The following MKX variants were observed in gnomAD, a reference collection of about 807,000 sequenced individuals.
MKX encodes homeobox protein Mohawk.
MKX carries 13 observed loss-of-function variants against 36.0 expected under a neutral mutation model. The observed-to-expected ratio is 0.36, with a 90% CI of 0.24 to 0.57. The LOEUF (loss-of-function observed/expected upper bound fraction) is 0.57. Ranked by LOEUF, MKX falls within the 20% of genes least tolerant of loss-of-function variation. The pLI, the probability that MKX is intolerant of heterozygous loss-of-function variation, is 0.79. For synonymous variants in MKX, 176 were observed against 178.3 expected (o/e 0.99, Z 0.10); for missense variants, 458 against 456.4 (o/e 1.00, Z -0.03).
chr10:27,737,464 C>T (rs1834805042), intron 3 of MKX, among the ~76,000 whole-genome samples: 2 of 152,056 alleles, frequency 1.3e-5, no homozygotes, highest in African/African-American at 4.8e-5. Context: ...CAAAAACATG[C>T]TGTGTGAATT....
chr10:27,673,204 TAAAAA>T lies in MKX; in HGVS notation c.*2020_*2024del, dbSNP rs889968973. ...TATAAAATCTTCCAACCTTTGGTATTAAAAAAAATCATGTGAATAGTTGTCCTATA... is the reference window on the plus strand; with the variant it reads ...TATAAAATCTTCCAACCTTTGGTATTAAATCATGTGAATAGTTGTCCTATA... On this transcript the variant is annotated 3_prime_UTR_variant, in exon 7 of 7. Coordinates refer to ENST00000419761, the MANE Select transcript of MKX (RefSeq NM_173576.3). 5.9e-5 allele frequency: 9 copies of T among 152,036 alleles called. No homozygotes were observed. Among genetic ancestry groups the T allele is most frequent in the Admixed American group, 2.0e-4 (3 of 15,258 alleles). 9.4% of individuals were successfully genotyped at this position (152,036 alleles called of 1,614,324 possible). A position where few individuals can be genotyped will look rare whatever the true frequency, so the allele number is the denominator to read the frequency against.
intron 5 of MKX, among the ~76,000 whole-genome samples, chr10:27,698,326 T>C (rs1411524172): frequency 6.6e-6 from 1 of 152,060 alleles, no homozygotes; most frequent in Non-Finnish European, 1.5e-5. Flanking sequence ...CAGATTTGGA[T>C]GTTGGAAAGA....
chr10:27,699,725 C>G (rs1388684604), intron 5 of MKX, among the ~76,000 whole-genome samples: 1 of 152,192 alleles, frequency 6.6e-6, no homozygotes, highest in Non-Finnish European at 1.5e-5. Context: ...TTAACTCCCT[C>G]AGAAAGATGG....
chr10:27,677,091 TG>T (rs999968999), intron 5 of MKX, among the ~76,000 whole-genome samples: 1 of 151,734 alleles, frequency 6.6e-6, no homozygotes, highest in African/African-American at 2.4e-5. Flanking sequence ...AGCAAAGGAG[TG>T]GGGTTGAGAC....
At chr10:27,681,309 C>T (rs911975214) in intron 5 of MKX, among the ~76,000 whole-genome samples, 2 of 151,908 alleles carry the variant, frequency 1.3e-5, no homozygotes, top group African/African-American at 2.4e-5. Flanking sequence ...ATTAGCCAGG[C>T]GTGGTGGTGC....
intron 5 of MKX, among the ~76,000 whole-genome samples, chr10:27,698,147 T>G (rs1328928688): frequency 1.3e-5 from 2 of 152,104 alleles, no homozygotes; most frequent in Admixed American, 1.3e-4. Flanking sequence ...GAGTTTTTGT[T>G]TGAGCTGAAA....
At chr10:27,737,425 G>T (rs910851789) in intron 3 of MKX, among the ~76,000 whole-genome samples, 1 of 152,088 alleles carries the variant, frequency 6.6e-6, no homozygotes, top group Non-Finnish European at 1.5e-5. Context: ...TACAGTGGAA[G>T]AGGGCCTGGC....
intron 5 of MKX, among the ~76,000 whole-genome samples, chr10:27,678,003 G>T (rs1056446412): frequency 6.6e-6 from 1 of 152,210 alleles, no homozygotes; most frequent in Non-Finnish European, 1.5e-5. Context: ...TGCAGGAAAA[G>T]AATGATCATT....
chr10:27,704,741 A>G (rs1452711880), intron 5 of MKX, among the ~76,000 whole-genome samples: 1 of 152,172 alleles, frequency 6.6e-6, no homozygotes, highest in Non-Finnish European at 1.5e-5. Flanking sequence ...GAAAATTGAG[A>G]CCATAGAAAT....
rs778882954 is a variant in MKX, at chr10:27,735,273, A to G, written c.450T>C (p.Val150=). ...ALRIKLYNKY[V]QGNAERLSVS... ...CGCTAAGCCGTTCAGCATTGCCTTG[A>G]ACATACTTGTTGTATAACTTTATTC... Residue 150 remains valine (V), a synonymous_variant, in exon 4 of 7, where the codon GTT becomes GTC. Transcript: ENST00000419761. The G allele has an allele frequency of 8.7e-6, 14 of 1,613,672 alleles. No individual in the cohort carries two copies. In the East Asian group the frequency reaches 3.1e-4, roughly 36 times the overall value.
At chr10:27,727,127 G>A (rs755282504) in intron 5 of MKX, among the ~76,000 whole-genome samples, 13 of 152,062 alleles carry the variant, frequency 8.5e-5, no homozygotes, top group Non-Finnish European at 1.6e-4. Flanking sequence ...CATTTTTTAG[G>A]TACCACAACA....
intron 5 of MKX, among the ~76,000 whole-genome samples, chr10:27,695,370 C>T (rs915766670): frequency 6.6e-6 from 1 of 151,796 alleles, no homozygotes; most frequent in Non-Finnish European, 1.5e-5. Flanking sequence ...ATGTTAATTA[C>T]ACCGCCCACA....
chr10:27,676,368 TTTTTTC>T (rs1316481709), intron 5 of MKX, among the ~76,000 whole-genome samples: 1 of 150,680 alleles, frequency 6.6e-6, no homozygotes, highest in African/African-American at 2.5e-5. Context: ...TCAAATTTTC[TTTTTTC>T]TTTTTCTTTT....
At chr10:27,690,628 G>T (rs1367041406) in intron 5 of MKX, among the ~76,000 whole-genome samples, 7 of 152,246 alleles carry the variant, frequency 4.6e-5, no homozygotes, top group African/African-American at 1.4e-4. Flanking sequence ...GGGATAAAAT[G>T]AGGTATTAAA....
At chr10:27,678,662 C>A (rs536127203) in intron 5 of MKX, among the ~76,000 whole-genome samples, 41 of 152,242 alleles carry the variant, frequency 2.7e-4, no homozygotes, top group Non-Finnish European at 5.1e-4. Context: ...ATGCATGGAG[C>A]CTGCACGTGG....
chr10:27,739,016 G>A (rs1834835865), intron 3 of MKX, among the ~76,000 whole-genome samples: 2 of 152,206 alleles, frequency 1.3e-5, no homozygotes, highest in Admixed American at 1.3e-4. Flanking sequence ...TGTCAACAGA[G>A]GAGACAGAAT....
In MKX at chr10:27,682,118, T is replaced by C. The variant is rs1182956282; in HGVS notation, c.839-6564A>G. On this transcript the variant is annotated intron_variant, in intron 5 of 6. Transcript: ENST00000419761. Reference sequence around the variant, plus strand: ...CTTACCCTGTGCAGGCCTAGGTTAATGTGTGTGTTTGTGGCTTAGTTTTTA... The same window carrying C: ...CTTACCCTGTGCAGGCCTAGGTTAACGTGTGTGTTTGTGGCTTAGTTTTTA... Among the ~76,000 whole-genome samples the C allele has an allele frequency of 2.6e-5, 4 of 152,236 alleles. No homozygotes were observed. The East Asian group carries it at 5.8e-4, about 22-fold the overall frequency.
chr10:27,691,846 C>T (rs1836459747), intron 5 of MKX, among the ~76,000 whole-genome samples: 1 of 152,112 alleles, frequency 6.6e-6, no homozygotes, highest in South Asian at 2.1e-4. Flanking sequence ...AGGATGATGG[C>T]CTTCAGCTGC....
chr10:27,679,675 G>A (rs986540034), intron 5 of MKX, among the ~76,000 whole-genome samples: 13 of 152,084 alleles, frequency 8.5e-5, no homozygotes, highest in African/African-American at 3.1e-4. Flanking sequence ...CTGGGGAGTT[G>A]TTTCTTTTTT....
Sources: allele counts gnomAD v4.1 joint callset (sites outside exome capture counted in the v4.1 genomes callset), GRCh38; gene constraint gnomAD v4.1.1; transcripts MANE v1.5; gene names NCBI Gene and HGNC (gene_info 2026-07-23, HGNC 2026-07-21).